UBE3C: variants seen among roughly 807,000 people sequenced by gnomAD.
UBE3C encodes the protein ubiquitin-protein ligase E3C.
Under a neutral mutation model 129.4 loss-of-function variants are expected in UBE3C, and 42 were observed. The observed-to-expected ratio is 0.32, with a 90% confidence interval of 0.25 to 0.42. The LOEUF is 0.42. UBE3C is among the 10% of genes least tolerant of loss of function. UBE3C has a pLI of 1.00. For synonymous variants in UBE3C, 510 were observed against 492.4 expected (o/e 1.04, Z -0.47); for missense variants, 1,049 against 1,319.1 (o/e 0.80, Z 3.17).
chr7:157,240,799 G>T lies in UBE3C; in HGVS notation c.2482-7569G>T, dbSNP rs79334890. ...TTAGAGCTAAGATCAGAGGGGCTTA[G>T]TTACCGGTAATGCCACTTGGAGGAC... is the stretch of plus-strand genomic sequence containing the variant. On this transcript the variant is annotated intron_variant, in intron 18 of 22. Coordinates refer to ENST00000348165, the MANE Select transcript of UBE3C (RefSeq NM_014671.3). Among the ~76,000 whole-genome samples, 29 of 152,280 alleles carry T rather than the reference G, an allele frequency of 1.9e-4. No homozygotes were observed. The East Asian group carries it at 5.6e-3, about 29-fold the overall frequency.
Position 157,249,591 on chromosome 7 carries a change from G to A in UBE3C, c.2694+1011G>A, listed in dbSNP as rs917234196. On this transcript the variant is annotated intron_variant, in intron 19 of 22. Coordinates refer to ENST00000348165, the MANE Select transcript of UBE3C (RefSeq NM_014671.3). ...GCCTCCTGAAGTGCTGGGATTACAG[G>A]CGTGAGCCACCGTGGCCGGCACGAC... Among the ~76,000 whole-genome samples, 6 of 152,336 alleles carry A rather than the reference G, an allele frequency of 3.9e-5. No homozygotes were observed. In the East Asian group the frequency reaches 5.8e-4, roughly 15 times the overall value.
At chr7:157,146,334 C>T (rs1256258535) in intron 1 of UBE3C, among the ~76,000 whole-genome samples, 1 of 151,296 alleles carries the variant, frequency 6.6e-6, no homozygotes, top group East Asian at 2.0e-4. Context: ...CTCTGTCAAG[C>T]AGTTCTCCGG....
At chr7:157,177,111 C>CT (rs1275894807) in intron 5 of UBE3C, among the ~76,000 whole-genome samples, 1 of 152,204 alleles carries the variant, frequency 6.6e-6, no homozygotes, top group Non-Finnish European at 1.5e-5. Flanking sequence ...AACTACCAAA[C>CT]TTAGGACAGC....
intron 2 of UBE3C, among the ~76,000 whole-genome samples, chr7:157,165,164 T>C (rs1808179362): frequency 6.6e-6 from 1 of 152,166 alleles, no homozygotes; most frequent in Non-Finnish European, 1.5e-5. Flanking sequence ...GTGTTTTTAA[T>C]CTTGTTTTAT....
chr7:157,144,907 A>G (rs973955051), intron 1 of UBE3C, among the ~76,000 whole-genome samples: 7 of 152,200 alleles, frequency 4.6e-5, no homozygotes, highest in African/African-American at 1.2e-4. Flanking sequence ...TGTGTTGTGC[A>G]TTGTGTAGGT....
intron 22 of UBE3C, among the ~76,000 whole-genome samples, chr7:157,264,468 C>T (rs1797020028): frequency 6.9e-6 from 1 of 144,148 alleles, no homozygotes; most frequent in Admixed American, 6.8e-5. Flanking sequence ...CTGTTACACA[C>T]ACACACACAC....
chr7:157,150,176 C>T (rs151318477), intron 1 of UBE3C, among the ~76,000 whole-genome samples: 5,031 of 152,130 alleles, frequency 0.033, 262 homozygotes, highest in African/African-American at 0.11. Context: ...TCAGGAGTTC[C>T]AGACCAGCCT....
chr7:157,262,441 T>G (rs564290626), intron 22 of UBE3C, among the ~76,000 whole-genome samples: 27 of 111,282 alleles, frequency 2.4e-4, no homozygotes, highest in Non-Finnish European at 4.6e-4. Context: ...TTTTTTGAGA[T>G]AGAGTTTCGC....
chr7:157,234,302 T>G (rs1431323822), intron 18 of UBE3C, among the ~76,000 whole-genome samples: 1 of 152,242 alleles, frequency 6.6e-6, no homozygotes, highest in Non-Finnish European at 1.5e-5. Context: ...TGTTGTAGTT[T>G]TAGCTCTTAC....
At chr7:157,154,323 A>G (rs1366911962) in intron 1 of UBE3C, among the ~76,000 whole-genome samples, 1 of 152,116 alleles carries the variant, frequency 6.6e-6, no homozygotes, top group Non-Finnish European at 1.5e-5. Flanking sequence ...TGTCTAAAAA[A>G]AAAAGATAAA....
rs749227725 is a variant in UBE3C at position 157,186,910 on chromosome 7, C to G, written c.1220C>G (p.Thr407Ser). The G allele has an allele frequency of 6.2e-7, 1 of 1,614,174 alleles. No individual in the cohort carries two copies. Residue 407 changes from threonine (T) to serine (S), a missense_variant, in exon 10 of 23, where the codon ACC becomes AGC. By Grantham distance (58) the Thr-to-Ser change is moderately conservative. Transcript: ENST00000348165. ...CTGGACACAAAGCAGCAGACCAACA[C>G]CCTGCTCAACCTGGTGTGGAGGGAC... The part of the protein sequence containing the change: ...KKLDTKQQTN[T>S]LLNLVWRDSA...
chr7:157,244,782 A>G (rs1440620575), intron 18 of UBE3C, among the ~76,000 whole-genome samples: 2 of 152,188 alleles, frequency 1.3e-5, no homozygotes, highest in African/African-American at 2.4e-5. Context: ...TTTTGGCACA[A>G]TTTCTAGCTA....
At position 157,267,627 on chromosome 7, in the gene UBE3C, C is replaced by T; in HGVS notation, c.3124C>T (p.Leu1042Phe). The T allele has an allele frequency of 3.7e-6, 6 of 1,613,382 alleles. No individual in the cohort carries two copies. Among genetic ancestry groups the T allele is most frequent in the Non-Finnish European group, 5.1e-6 (6 of 1,179,842 alleles). The change falls in exon 23 of 23, where the codon CTT becomes TTT. Residue 1042 changes from leucine to phenylalanine, a missense_variant. Transcript: ENST00000348165. Reference protein sequence around the residue: ...AFCIHNGGSDLERLPTASTCM... With the variant: ...AFCIHNGGSDFERLPTASTCM... ...TTGTATTCACAACGGAGGCTCCGAC[C>T]TTGAGCGGCTCCCCACAGCCAGCAC...
rs899799190 is a variant in UBE3C, at chr7:157,191,233, T to G, written c.1331+4212T>G. Among the ~76,000 whole-genome samples the G allele has an allele frequency of 1.2e-4, 19 of 152,290 alleles. 1 individual carries two copies. The East Asian group carries it at 2.3e-3, about 19-fold the overall frequency. On this transcript the variant is annotated intron_variant, in intron 10 of 22. Coordinates refer to ENST00000348165, the MANE Select transcript of UBE3C (RefSeq NM_014671.3). Reference sequence around the variant, plus strand: ...GCGGTGCGCCTCGAAGCGCAGTGCTTCTTTTCTGTGCACGCGCGTGTGTAT... The same window carrying G: ...GCGGTGCGCCTCGAAGCGCAGTGCTGCTTTTCTGTGCACGCGCGTGTGTAT...
chr7:157,149,466 A>G (rs909966060), intron 1 of UBE3C, among the ~76,000 whole-genome samples: 3 of 152,142 alleles, frequency 2.0e-5, no homozygotes, highest in Non-Finnish European at 4.4e-5. Context: ...CTGGGCCTAC[A>G]GGGAGGTGAG....
chr7:157,264,479 C>A lies in UBE3C; in HGVS notation c.3082-3106C>A, dbSNP rs1187524820. 5.3e-5 allele frequency among the ~76,000 whole-genome samples: 7 copies of A among 131,534 alleles called. No individual in the cohort carries two copies. In the East Asian group the frequency reaches 1.3e-3, roughly 25 times the overall value. The allele number at this position is 131,534 out of a possible 152,430, so 86.3% of individuals were successfully genotyped here. A position where few individuals can be genotyped will look rare whatever the true frequency, so the allele number is the denominator to read the frequency against. ...CGGCCTGTTACACACACACACACAC[C>A]TGGTACTACAGGTGTGCGCCAACAT... On this transcript the variant is annotated intron_variant, in intron 22 of 22. Coordinates refer to ENST00000348165, the MANE Select transcript of UBE3C (RefSeq NM_014671.3).
chr7:157,187,585 T>G (rs866822148), intron 10 of UBE3C, among the ~76,000 whole-genome samples: 146 of 109,772 alleles, frequency 1.3e-3, no homozygotes, highest in African/African-American at 6.0e-3. Context: ...TTGTTTTTTG[T>G]TTTTTTTTTT....
In UBE3C at chr7:157,208,055, CTTTTTTTTT is replaced by C. The variant is rs35366316; in HGVS notation, c.1809+149_1809+157del. On this transcript the variant is annotated intron_variant, in intron 13 of 22. Coordinates refer to ENST00000348165, the MANE Select transcript of UBE3C (RefSeq NM_014671.3). ...TTCAGACATGTTTTAATTTGCAAGA[CTTTTTTTTT>C]TTTTTTTTTTTTTTTTTTTTTTTTT... 1.6e-4 allele frequency: 15 copies of C among 93,690 alleles called. No homozygotes were observed. The East Asian group carries it at 2.1e-3, about 13-fold the overall frequency. 5.8% of individuals were successfully genotyped at this position (93,690 alleles called of 1,614,324 possible). A position where few individuals can be genotyped will look rare whatever the true frequency, so the allele number is the denominator to read the frequency against.
intron 1 of UBE3C, among the ~76,000 whole-genome samples, chr7:157,159,508 A>G (rs1399324876): frequency 6.6e-6 from 1 of 152,228 alleles, no homozygotes; most frequent in African/African-American, 2.4e-5. Flanking sequence ...AAAGTTTGTT[A>G]AAGCAAAATG....
Sources: gnomAD v4.1 joint callset for allele counts (sites outside exome capture counted in the v4.1 genomes callset) on GRCh38, gnomAD v4.1.1 for gene constraint, MANE v1.5 for transcripts, NCBI Gene and HGNC (gene_info 2026-07-23, HGNC 2026-07-21) for gene names.